The following DHX32 variants were observed in gnomAD, a reference collection of about 807,000 sequenced individuals.
DHX32 encodes the protein putative pre-mRNA-splicing factor ATP-dependent RNA helicase DHX32.
In DHX32, 51 loss-of-function variants were observed where a neutral mutation model predicts 70.0. That is an observed-to-expected ratio of 0.73 (90% CI 0.58 to 0.92). The LOEUF is 0.92. Among genes scored for constraint, DHX32 ranks in the 40% least tolerant of loss-of-function variants. The probability of loss-of-function intolerance (pLI) is 0.00; values close to 1 mark genes in which losing one functional copy is unlikely to be tolerated. For missense variants in DHX32, 762 were observed against 891.8 expected, an observed-to-expected ratio of 0.85 and a Z score of 1.85; for synonymous variants, 310 against 315.3, an observed-to-expected ratio of 0.98 and a Z score of 0.18.
At position 125,853,984 on chromosome 10, in the gene DHX32, C is replaced by G. The variant is rs770513067; in HGVS notation, c.1069G>C (p.Asp357His). 1.2e-6 allele frequency: 2 copies of G among 1,613,934 alleles called. No homozygotes were observed. The highest frequency in any genetic ancestry group is 3.3e-5 in the Admixed American group (2 of 60,016). The change falls in exon 4 of 11, where the codon GAT (aspartate) becomes CAT (histidine). Residue 357 changes from aspartate (D) to histidine (H), a missense_variant. Asp to His is a moderately conservative substitution (Grantham distance 81). Around this residue, in one of 3 missense-constraint regions of DHX32, gnomAD observed 394 missense variants for 473.1 expected, o/e 0.83. Transcript: ENST00000284690. Reference sequence around the variant, plus strand: ...ACCTTTCTTCTTTCCACACCCACATCGATAACAAATCTGACTGAGTTGCTC... The same window carrying G: ...ACCTTTCTTCTTTCCACACCCACATGGATAACAAATCTGACTGAGTTGCTC... ...IWSNSVRFVI[D>H]VGVERRKVYN...
intron 1 of DHX32, among the ~76,000 whole-genome samples, chr10:125,890,204 T>C (rs1378971840): frequency 6.6e-6 from 1 of 152,298 alleles, no homozygotes; most frequent in Non-Finnish European, 1.5e-5. Flanking sequence ...TTTGTAAATC[T>C]TTTTTATAGA....
At chr10:125,852,230 A>G in intron 6 of DHX32, 63 bp downstream of exon 6, 1 of 1,582,468 alleles carries the variant, frequency 6.3e-7, no homozygotes, top group South Asian at 1.1e-5. Context: ...CTCAGGACAG[A>G]GAATGGGCAG....
rs752281412 is a variant in DHX32 at position 125,838,362 on chromosome 10, C to A, written c.1907G>T (p.Gly636Val). ...CTTATGTGTCAGCATTAAGTAGTTA[C>A]CTGATCCATCAACATCCCGAGCAAT... ...MQIARDVDGS[G>V]NYLMLTHKQV... Residue 636 changes from glycine (G) to valine (V), a missense_variant, in exon 10 of 11, where the codon GGT (glycine) becomes GTT (valine). Physicochemically the swap from Gly to Val is moderately radical, Grantham distance 109. Coordinates refer to ENST00000284690, the MANE Select transcript of DHX32 (RefSeq NM_018180.3). The A allele has an allele frequency of 3.8e-6, 6 of 1,597,806 alleles. No homozygotes were observed. Among genetic ancestry groups the A allele is most frequent in the Non-Finnish European group, 5.1e-6 (6 of 1,175,624 alleles).
intron 6 of DHX32, among the ~76,000 whole-genome samples, chr10:125,847,112 T>C (rs1427640547): frequency 6.6e-6 from 1 of 152,158 alleles, no homozygotes; most frequent in Admixed American, 6.5e-5. Context: ...TCTACACATT[T>C]GCATAATGCC....
intron 1 of DHX32, among the ~76,000 whole-genome samples, chr10:125,892,341 C>T (rs1944376470): frequency 6.6e-6 from 1 of 152,424 alleles, no homozygotes; most frequent in East Asian, 1.9e-4. Flanking sequence ...GGCTCTCTAC[C>T]AATCTGTCAT....
intron 8 of DHX32, among the ~76,000 whole-genome samples, chr10:125,839,929 A>G (rs1343977581): frequency 6.6e-6 from 1 of 152,198 alleles, no homozygotes; most frequent in East Asian, 1.9e-4. Context: ...CATGCCCTCA[A>G]AAGGTGCCAC....
At chr10:125,867,723 A>T (rs1398895768) in intron 1 of DHX32, among the ~76,000 whole-genome samples, 1 of 149,262 alleles carries the variant, frequency 6.7e-6, no homozygotes, top group African/African-American at 2.5e-5. Context: ...GCGACAGAGC[A>T]AGACTCCGTC....
rs761872798 is a variant in DHX32 at position 125,880,611 on chromosome 10, T to A, written c.214A>T (p.Met72Leu). ...ATTTGATTTTGAAGCAGGTTCTCCA[T>A]AAAGGAGTATTTTTCTTTCCATATA... Reference protein sequence around the residue: ...LPIWKEKYSFMENLLQNQIVI... With the variant: ...LPIWKEKYSFLENLLQNQIVI... Residue 72 changes from methionine to leucine, a missense_variant, in exon 1 of 11, where the codon ATG becomes TTG. Physicochemically the swap from Met to Leu is conservative, Grantham distance 15. Coordinates refer to ENST00000284690, the MANE Select transcript of DHX32 (RefSeq NM_018180.3). 6.2e-7 allele frequency: 1 copy of A among 1,614,142 alleles called. No homozygotes were observed. The highest frequency in any genetic ancestry group is 8.5e-7 in the Non-Finnish European group (1 of 1,179,992).
intron 1 of DHX32, among the ~76,000 whole-genome samples, chr10:125,895,509 A>G (rs1944459002): frequency 6.6e-6 from 1 of 152,054 alleles, no homozygotes; most frequent in South Asian, 2.1e-4. Context: ...GGAACCTATG[A>G]TACTCTCCTG....
At chr10:125,841,513 T>C (rs1307720262) in intron 7 of DHX32, 3 of 1,437,274 alleles carry the variant, frequency 2.1e-6, no homozygotes, top group African/African-American at 2.9e-5. Context: ...ATACATCTGA[T>C]GTATAAATTT....
At chr10:125,886,169 C>A (rs560963668), upstream of DHX32, among the ~76,000 whole-genome samples, 5 of 152,234 alleles carry the variant, frequency 3.3e-5, no homozygotes, top group East Asian at 9.6e-4. Flanking sequence ...TTCTGTATGT[C>A]TGAAATGTTC....
rs1326411208 is a variant in DHX32 at position 125,852,361 on chromosome 10, C to T, written c.1283G>A (p.Ser428Asn). ...PAEMQEANLTSMVLFMKRIDI... is the reference protein window; with the variant it reads ...PAEMQEANLTNMVLFMKRIDI... Reference sequence around the variant, plus strand: ...TATCCTCTTCATAAAAAGCACCATGCTTGTTAGGTTGGCTTCCTGCATTTC... The same window carrying T: ...TATCCTCTTCATAAAAAGCACCATGTTTGTTAGGTTGGCTTCCTGCATTTC... Residue 428 changes from serine (S) to asparagine (N), a missense_variant, in exon 6 of 11, where the codon AGC (serine) becomes AAC (asparagine). By Grantham distance (46) the Ser-to-Asn change is conservative. Coordinates refer to ENST00000284690, the MANE Select transcript of DHX32 (RefSeq NM_018180.3). 2 of 1,614,060 alleles carry T rather than the reference C, an allele frequency of 1.2e-6. No homozygotes were observed. The highest frequency in any genetic ancestry group is 1.7e-6 in the Non-Finnish European group (2 of 1,180,030).
intron 7 of DHX32, chr10:125,841,448 C>A: frequency 6.5e-7 from 1 of 1,546,022 alleles, no homozygotes. Flanking sequence ...CCTCTAGTGA[C>A]ACATTTTCTT....
intron 1 of DHX32, among the ~76,000 whole-genome samples, chr10:125,874,167 T>C (rs543937908): frequency 2.0e-5 from 3 of 152,342 alleles, no homozygotes; most frequent in East Asian, 3.9e-4. Flanking sequence ...AGGACCTTTG[T>C]AAAGCTTGGC....
intron 1 of DHX32, among the ~76,000 whole-genome samples, chr10:125,873,087 T>C (rs1944264953): frequency 6.6e-6 from 1 of 152,142 alleles, no homozygotes; most frequent in African/African-American, 2.4e-5. Flanking sequence ...GGAGATCTCC[T>C]ATAAGAATCT....
At chr10:125,844,040 A>G (rs1854948465) in intron 6 of DHX32, among the ~76,000 whole-genome samples, 1 of 152,226 alleles carries the variant, frequency 6.6e-6, no homozygotes, top group African/African-American at 2.4e-5. Flanking sequence ...GTCCTGACAT[A>G]CAGCATTACC....
At chr10:125,882,192 G>C (rs1944321100), upstream of DHX32, among the ~76,000 whole-genome samples, 1 of 152,120 alleles carries the variant, frequency 6.6e-6, no homozygotes, top group South Asian at 2.1e-4. Context: ...AATTCCATTA[G>C]TGTTGCTGGA....
At chr10:125,894,357 A>C (rs1944394895) in intron 1 of DHX32, among the ~76,000 whole-genome samples, 1 of 152,196 alleles carries the variant, frequency 6.6e-6, no homozygotes. Flanking sequence ...ACATTGCACA[A>C]GGTGATAGAG....
chr10:125,857,948 G>A (rs1944159302), intron 3 of DHX32, among the ~76,000 whole-genome samples: 1 of 147,042 alleles, frequency 6.8e-6, no homozygotes, highest in Non-Finnish European at 1.5e-5. Flanking sequence ...CACCCAGGCT[G>A]GAGTGCAGTG....
Sources: allele counts gnomAD v4.1 joint callset (sites outside exome capture counted in the v4.1 genomes callset), GRCh38; gene constraint gnomAD v4.1.1; regional missense constraint gnomAD v4.1.1; transcripts MANE v1.5; gene names NCBI Gene and HGNC (gene_info 2026-07-23, HGNC 2026-07-21).